The following SGCD variants were observed in gnomAD, a reference collection of about 807,000 sequenced individuals.
SGCD encodes sarcoglycan delta.
In SGCD, 18 loss-of-function variants were observed where a neutral mutation model predicts 36.6. The ratio of observed to expected loss-of-function variants is 0.49; its 90% CI spans 0.34 to 0.73. The LOEUF is 0.73. Ranked by LOEUF, SGCD falls within the 30% of genes least tolerant of loss-of-function variation. The pLI is 0.01. For synonymous variants in SGCD, 133 were observed against 130.6 expected, an observed-to-expected ratio of 1.02 and a Z score of -0.12; for missense variants, 387 against 346.7, an observed-to-expected ratio of 1.12 and a Z score of -0.92.
At chr5:155,840,719 A>C in the SGCD span, among the ~76,000 whole-genome samples, 1 of 151,524 alleles carries the variant, frequency 6.6e-6, no homozygotes, top group South Asian at 2.1e-4. Context: ...GGTATTAAAA[A>C]TCAAGACACA....
At chr5:156,640,871 C>A (rs1351305106) in intron 6 of SGCD, among the ~76,000 whole-genome samples, 1 of 152,164 alleles carries the variant, frequency 6.6e-6, no homozygotes, top group Non-Finnish European at 1.5e-5. Flanking sequence ...ATGCCAGCAG[C>A]AGCCTGGGGA....
intron 4 of SGCD, among the ~76,000 whole-genome samples, chr5:156,546,883 A>G (rs555796716): frequency 2.0e-5 from 3 of 152,226 alleles, no homozygotes; most frequent in Non-Finnish European, 2.9e-5. Context: ...AGGTAAAATC[A>G]GGAGGAGGTC....
At chr5:156,169,846 G>T (rs977035715) in intron 3 of SGCD, among the ~76,000 whole-genome samples, 2 of 152,098 alleles carry the variant, frequency 1.3e-5, no homozygotes, top group Non-Finnish European at 2.9e-5. Context: ...TGAGTAAGGG[G>T]GAGTTGGTGG....
At chr5:156,652,807 G>A (rs538379733) in intron 7 of SGCD, among the ~76,000 whole-genome samples, 1 of 151,952 alleles carries the variant, frequency 6.6e-6, no homozygotes, top group South Asian at 2.1e-4. Flanking sequence ...CTCATACAGG[G>A]ATGTTGGATT....
At chr5:155,787,881 C>T in the SGCD span, among the ~76,000 whole-genome samples, 3 of 152,248 alleles carry the variant, frequency 2.0e-5, no homozygotes, top group East Asian at 1.9e-4. Flanking sequence ...ATGCCCATTC[C>T]GTCTTTTGCC....
intron 4 of SGCD, among the ~76,000 whole-genome samples, chr5:156,552,464 A>G (rs7727643): frequency 0.041 from 6,241 of 152,162 alleles, 285 homozygotes; most frequent in African/African-American, 0.11. Flanking sequence ...AACATTCTGT[A>G]TGTTTGTTTG....
intron 3 of SGCD, among the ~76,000 whole-genome samples, chr5:156,197,472 CTTT>C (rs368116194): frequency 1.0e-4 from 14 of 133,946 alleles, no homozygotes; most frequent in Non-Finnish European, 1.4e-4. Flanking sequence ...AATAGTTTTC[CTTT>C]TTTTTTTTTT....
At chr5:155,884,453 T>G (rs1440458836) in intron 1 of SGCD, among the ~76,000 whole-genome samples, 1 of 152,188 alleles carries the variant, frequency 6.6e-6, no homozygotes. Context: ...TCCAATATTA[T>G]AGAAACAGTA....
At chr5:156,109,914 C>T (rs1204274379) in intron 1 of SGCD, among the ~76,000 whole-genome samples, 5 of 152,148 alleles carry the variant, frequency 3.3e-5, no homozygotes, top group Non-Finnish European at 7.4e-5. Context: ...CTATGGGTTA[C>T]GAATCAGGAG....
At chr5:156,024,774 A>G (rs572724879) in intron 1 of SGCD, among the ~76,000 whole-genome samples, 17 of 152,248 alleles carry the variant, frequency 1.1e-4, no homozygotes, top group African/African-American at 4.1e-4. Flanking sequence ...CCTGGGCAAC[A>G]TGGTGAAACC....
intron 6 of SGCD, among the ~76,000 whole-genome samples, chr5:156,605,500 A>C (rs1027353825): frequency 6.6e-6 from 1 of 152,244 alleles, no homozygotes; most frequent in African/African-American, 2.4e-5. Context: ...ATAGTGCTGC[A>C]ATAAAAATAC....
intron 1 of SGCD, among the ~76,000 whole-genome samples, chr5:155,939,857 G>A (rs930926046): frequency 1.5e-4 from 21 of 144,400 alleles, no homozygotes; most frequent in African/African-American, 3.8e-4. Flanking sequence ...TTTTTTTGAC[G>A]GAGTCTCGCT....
intron 6 of SGCD, among the ~76,000 whole-genome samples, chr5:156,597,137 T>C (rs1203293439): frequency 6.6e-6 from 1 of 152,190 alleles, no homozygotes; most frequent in African/African-American, 2.4e-5. Context: ...CTTTTTTATA[T>C]CTGTAAAATT....
chr5:156,733,060 TCTCTTTCAGTTCAG>T (rs796784864), intron 7 of SGCD, among the ~76,000 whole-genome samples: 36 of 152,258 alleles, frequency 2.4e-4, no homozygotes, highest in African/African-American at 8.2e-4. Flanking sequence ...TTTTCATGTC[TCTCTTTCAGTTCAG>T]CTCTGATCTT....
At chr5:156,364,558 T>C (rs1561646852) in intron 3 of SGCD, among the ~76,000 whole-genome samples, 1 of 152,194 alleles carries the variant, frequency 6.6e-6, no homozygotes, top group Non-Finnish European at 1.5e-5. Flanking sequence ...AGAAATCCAG[T>C]ATGTGTGTGA....
At chr5:156,528,534 C>A (rs925807922) in intron 4 of SGCD, among the ~76,000 whole-genome samples, 4 of 152,058 alleles carry the variant, frequency 2.6e-5, no homozygotes, top group Admixed American at 6.6e-5. Flanking sequence ...TTTGGAGAGA[C>A]AAACATCTCT....
the SGCD span, among the ~76,000 whole-genome samples, chr5:155,796,806 C>CAAAAAAAAAAAAAAAAAAA: frequency 3.9e-4 from 20 of 51,322 alleles, no homozygotes; most frequent in Non-Finnish European, 4.7e-4. Context: ...AACTCCATCT[C>CAAAAAAAAAAAAAAAAAAA]AAAAAAAAAA....
At position 155,922,654 on chromosome 5, in the gene SGCD, T is replaced by C. The variant is rs536321897; in HGVS notation, c.-282+52230T>C. Among the ~76,000 whole-genome samples, 606 of 152,296 alleles carry C rather than the reference T, an allele frequency of 4.0e-3. 6 individuals are homozygous for C. The highest frequency in any genetic ancestry group is 6.2e-3 in the South Asian group (30 of 4,826). ...TCTGAGTGGCTTGAGAGAGAGTTTCTGTGTGTGTGGGTATATTTTTCAGCA... is the reference window on the plus strand; with the variant it reads ...TCTGAGTGGCTTGAGAGAGAGTTTCCGTGTGTGTGGGTATATTTTTCAGCA... On this transcript the variant is annotated intron_variant, in intron 1 of 9. Transcript: ENST00000517913.
At position 156,411,699 on chromosome 5, in the gene SGCD, TA is replaced by T. The variant is rs1048809241; in HGVS notation, c.192+67024del. Among the ~76,000 whole-genome samples, 185 of 152,368 alleles carry T rather than the reference TA, an allele frequency of 1.2e-3. 1 individual carries two copies. The highest frequency in any genetic ancestry group is 4.3e-3 in the African/African-American group (178 of 41,584). ...TAGCATGGTACCTGGCACAGAGTAT[TA>T]ATTTCATAGTATTATTCTTCTGACC... On this transcript the variant is annotated intron_variant, in intron 3 of 8. Transcript: ENST00000337851.
Sources: allele counts gnomAD v4.1 joint callset (sites outside exome capture counted in the v4.1 genomes callset), GRCh38; gene constraint gnomAD v4.1.1; transcripts MANE v1.5; gene names NCBI Gene and HGNC (gene_info 2026-07-23, HGNC 2026-07-21).